WDFY4: variants seen among roughly 807,000 people sequenced by gnomAD.
WDFY4 encodes the protein WDFY family member 4, also known as WD repeat- and FYVE domain-containing protein 4.
Under a neutral mutation model 351.9 loss-of-function variants are expected in WDFY4, and 169 were observed. The ratio of observed to expected loss-of-function variants is 0.48; its 90% CI spans 0.42 to 0.55. The LOEUF is 0.55. Ranked by LOEUF, WDFY4 falls within the 20% of genes least tolerant of loss-of-function variation. The probability of loss-of-function intolerance (pLI) is 0.00; values close to 1 mark genes in which losing one functional copy is unlikely to be tolerated. For missense variants in WDFY4, 3,803 were observed against 3,935.6 expected (o/e 0.97, Z 0.90); for synonymous variants, 1,622 against 1,574.6 (o/e 1.03, Z -0.71).
At chr10:48,913,586 G>A (rs1838214136) in intron 47 of WDFY4, 1 of 1,614,022 alleles carries the variant, frequency 6.2e-7, no homozygotes, top group African/African-American at 1.3e-5. Flanking sequence ...TCCTGATGGA[G>A]TCTATGAATA....
chr10:48,946,749 G>A (rs958258264), intron 50 of WDFY4, 111 bp from the exon 51 acceptor site: 3 of 794,490 alleles, frequency 3.8e-6, no homozygotes, highest in South Asian at 3.4e-5. Flanking sequence ...CTTCCTAAAC[G>A]TCAATGAATA....
chr10:48,942,115 C>A (rs909960101), intron 48 of WDFY4, among the ~76,000 whole-genome samples: 1 of 152,166 alleles, frequency 6.6e-6, no homozygotes, highest in Non-Finnish European at 1.5e-5. Context: ...CAGGCACCTA[C>A]CACTAGGCCA....
At chr10:48,742,855 G>A (rs2064895334) in intron 11 of WDFY4, 113 bp from the exon 12 acceptor site, 3 of 933,694 alleles carry the variant, frequency 3.2e-6, no homozygotes, top group Non-Finnish European at 4.7e-6. Flanking sequence ...GTAACTTGTT[G>A]GCCTGAAGTC....
chr10:48,947,926 G>A (rs939622349), intron 51 of WDFY4, among the ~76,000 whole-genome samples: 4 of 152,226 alleles, frequency 2.6e-5, no homozygotes, highest in African/African-American at 9.6e-5. Flanking sequence ...ACACAGACTT[G>A]TTCTGACACC....
In WDFY4 at chr10:48,709,787, A is replaced by G. The variant is rs2132205422; in HGVS notation, c.55A>G (p.Lys19Glu). ...AEDRNEDPGS[K>E]NEGQLAAVQP... ...AGACAGAAATGAAGACCCAGGTTCC[A>G]AAAATGAAGGGCAGCTTGCTGCTGT... Residue 19 changes from lysine (K) to glutamate (E), a missense_variant, in exon 2 of 62, where the codon AAA becomes GAA. By Grantham distance (56) the Lys-to-Glu change is moderately conservative (BLOSUM62 1). Coordinates refer to ENST00000325239, the MANE Select transcript of WDFY4 (RefSeq NM_001394531.1). The G allele has an allele frequency of 6.4e-7, 1 of 1,551,968 alleles. No homozygotes were observed. Among genetic ancestry groups the G allele is most frequent in the East Asian group, 2.4e-5 (1 of 40,926 alleles).
intron 2 of WDFY4, among the ~76,000 whole-genome samples, chr10:48,719,054 C>G (rs1378757395): frequency 6.6e-6 from 1 of 152,078 alleles, no homozygotes; most frequent in East Asian, 1.9e-4. Flanking sequence ...AAGCCTGGAA[C>G]TAAAGCCAGA....
chr10:48,775,641 T>C (rs974744266), intron 14 of WDFY4, 71 bp from the exon 15 acceptor site: 46 of 1,422,856 alleles, frequency 3.2e-5, no homozygotes, highest in Admixed American at 5.9e-5. Context: ...AGGACAGTTG[T>C]CAGGATAAAG....
chr10:48,735,006 G>T (rs1159109899), intron 10 of WDFY4, among the ~76,000 whole-genome samples: 2 of 147,466 alleles, frequency 1.4e-5, no homozygotes, highest in African/African-American at 2.5e-5. Flanking sequence ...GACCAGGCTG[G>T]TCTCAAACTC....
intron 35 of WDFY4, among the ~76,000 whole-genome samples, chr10:48,825,301 T>A (rs2067956992): frequency 6.6e-6 from 1 of 152,252 alleles, no homozygotes; most frequent in Admixed American, 6.5e-5. Context: ...CATTCCTTTT[T>A]ATGGCTCATA....
intron 34 of WDFY4, 35 bp from the exon 35 acceptor site, chr10:48,822,345 A>G: frequency 6.7e-7 from 1 of 1,498,458 alleles, no homozygotes; most frequent in Non-Finnish European, 8.9e-7. Context: ...AAGTCCATTT[A>G]GACTCTCACC....
chr10:48,972,571 T>TG (rs1234313164), intron 57 of WDFY4, among the ~76,000 whole-genome samples: 1 of 152,260 alleles, frequency 6.6e-6, no homozygotes, highest in Non-Finnish European at 1.5e-5. Flanking sequence ...GTTATGTCAG[T>TG]GCACTACAGT....
Position 48,723,584 on chromosome 10 carries a change from C to T in WDFY4, c.591+17C>T. On this transcript the variant is annotated intron_variant, in intron 5 of 61. Transcript: ENST00000325239. ...TTCGTGCAGGTGAGTTCAAGGAGGGCCTCCAATTCCCTGGGTCAAAACCTC... is the reference window on the plus strand; with the variant it reads ...TTCGTGCAGGTGAGTTCAAGGAGGGTCTCCAATTCCCTGGGTCAAAACCTC... 1 of 1,551,356 alleles carries T rather than the reference C, an allele frequency of 6.4e-7. No homozygotes were observed. Among genetic ancestry groups the T allele is most frequent in the Non-Finnish European group, 8.7e-7 (1 of 1,146,828 alleles).
chr10:48,721,470 C>A, intron 4 of WDFY4, 103 bp downstream of exon 4: 1 of 1,043,132 alleles, frequency 9.6e-7, no homozygotes, highest in Non-Finnish European at 1.4e-6. Flanking sequence ...TCATTCGTTT[C>A]ATAAAACAGG....
intron 1 of WDFY4, among the ~76,000 whole-genome samples, chr10:48,688,778 G>A (rs1410198757): frequency 6.6e-6 from 1 of 152,174 alleles, no homozygotes. Context: ...ATGACAGGTG[G>A]TCAGAGTGGT....
intron 30 of WDFY4, among the ~76,000 whole-genome samples, chr10:48,813,203 C>T (rs1434440879): frequency 6.6e-6 from 1 of 151,974 alleles, no homozygotes; most frequent in Non-Finnish European, 1.5e-5. Context: ...ATGGGAGGGG[C>T]GTGGCTTTGC....
At chr10:48,946,186 C>A in intron 50 of WDFY4, 29 bp downstream of exon 50, 1 of 1,483,204 alleles carries the variant, frequency 6.7e-7, no homozygotes, top group Non-Finnish European at 9.2e-7. Flanking sequence ...ATTTTTGGTG[C>A]AGTGTTATTC....
At position 48,908,927 on chromosome 10, in the gene WDFY4, C is replaced by A. The variant is rs570535554; in HGVS notation, c.7586+7064C>A. On this transcript the variant is annotated intron_variant, in intron 47 of 61. Coordinates refer to ENST00000325239, the MANE Select transcript of WDFY4 (RefSeq NM_001394531.1). ...TTATGCCTACCTCCCTGTCTTCCCCCACCATCCTTAAATCCTGGGAATCAT... is the reference window on the plus strand; with the variant it reads ...TTATGCCTACCTCCCTGTCTTCCCCAACCATCCTTAAATCCTGGGAATCAT... 3.3e-5 allele frequency among the ~76,000 whole-genome samples: 5 copies of A among 152,318 alleles called. No homozygotes were observed. The South Asian group carries it at 1.0e-3, about 32-fold the overall frequency.
At chr10:48,747,162 A>C (rs918033241) in intron 12 of WDFY4, among the ~76,000 whole-genome samples, 1 of 152,182 alleles carries the variant, frequency 6.6e-6, no homozygotes, top group Non-Finnish European at 1.5e-5. Context: ...ATTGGTTGAC[A>C]GTTATTTTCT....
intron 27 of WDFY4, among the ~76,000 whole-genome samples, chr10:48,807,547 T>C (rs1189697252): frequency 6.6e-6 from 1 of 152,248 alleles, no homozygotes; most frequent in African/African-American, 2.4e-5. Flanking sequence ...GATTATGAAA[T>C]GTTGCAGCCT....
Sources: allele counts gnomAD v4.1 joint callset (sites outside exome capture counted in the v4.1 genomes callset), GRCh38; gene constraint gnomAD v4.1.1; transcripts MANE v1.5; gene names NCBI Gene and HGNC (gene_info 2026-07-23, HGNC 2026-07-21).